The following KLF8 variants were observed in gnomAD, a reference collection of about 807,000 sequenced individuals.
The protein encoded by KLF8 is Krueppel-like factor 8.
KLF8 carries 10 observed loss-of-function variants against 18.2 expected under a neutral mutation model. The observed-to-expected ratio is 0.55, with a 90% CI of 0.34 to 0.93. The LOEUF (loss-of-function observed/expected upper bound fraction) is 0.93, where lower values mean the gene tolerates loss of function less well. KLF8 is among the 40% of genes least tolerant of loss of function. The pLI, the probability that KLF8 is intolerant of heterozygous loss-of-function variation, is 0.02. For synonymous variants in KLF8, 109 were observed against 97.3 expected (o/e 1.12, Z -0.71); for missense variants, 264 against 277.9 (o/e 0.95, Z 0.36).
chrX:56,197,864 G>A, the KLF8 span, among the ~76,000 whole-genome samples: 1 of 111,931 alleles, frequency 8.9e-6, no homozygotes, highest in African/African-American at 3.3e-5. Context: ...ACCGAATCCA[G>A]CAGCACATCA....
At chrX:56,214,416 T>C in the KLF8 span, among the ~76,000 whole-genome samples, 2 of 112,215 alleles carry the variant, frequency 1.8e-5, no homozygotes, top group East Asian at 5.6e-4. Flanking sequence ...AACTGATTTG[T>C]GTCACACCCC....
the KLF8 span, among the ~76,000 whole-genome samples, chrX:56,041,423 T>A: frequency 9.1e-6 from 1 of 109,923 alleles, no homozygotes. Context: ...CCCTTTTTAT[T>A]ATTTTTTATT....
At chrX:56,121,173 G>A in the KLF8 span, among the ~76,000 whole-genome samples, 17 of 90,610 alleles carry the variant, frequency 1.9e-4, no homozygotes, top group Admixed American at 1.1e-3. Context: ...GCCACAGAGC[G>A]AGACTCCGTC....
the KLF8 span, among the ~76,000 whole-genome samples, chrX:55,952,858 T>G: frequency 8.9e-6 from 1 of 111,816 alleles, no homozygotes; most frequent in African/African-American, 3.3e-5. Flanking sequence ...CTGTGATAAA[T>G]GCATTAATGC....
chrX:56,117,592 C>G, the KLF8 span, among the ~76,000 whole-genome samples: 1 of 111,967 alleles, frequency 8.9e-6, no homozygotes, highest in African/African-American at 3.2e-5. Flanking sequence ...AACAATTATT[C>G]TACATTCTTA....
the KLF8 span, among the ~76,000 whole-genome samples, chrX:55,934,304 C>T: frequency 3.6e-5 from 4 of 111,476 alleles, no homozygotes; most frequent in African/African-American, 1.3e-4. Context: ...CCTCTTAGCA[C>T]CTATAATGGG....
At chrX:56,078,778 C>CT in the KLF8 span, among the ~76,000 whole-genome samples, 2 of 111,030 alleles carry the variant, frequency 1.8e-5, no homozygotes, top group Admixed American at 1.9e-4. Flanking sequence ...GTCCTGGACT[C>CT]TTTTTTGTTG....
chrX:55,997,553 C>T, the KLF8 span, among the ~76,000 whole-genome samples: 1 of 111,538 alleles, frequency 9.0e-6, no homozygotes, highest in Non-Finnish European at 1.9e-5. Context: ...GTAGGATTCC[C>T]AGCTTTTTCT....
At chrX:56,131,670 T>C in the KLF8 span, among the ~76,000 whole-genome samples, 1 of 111,763 alleles carries the variant, frequency 8.9e-6, no homozygotes, top group Non-Finnish European at 1.9e-5. Flanking sequence ...GCCTAAATGC[T>C]CTATTAAAAA....
the KLF8 span, among the ~76,000 whole-genome samples, chrX:56,122,867 C>G: frequency 9.0e-6 from 1 of 111,106 alleles, no homozygotes; most frequent in Non-Finnish European, 1.9e-5. Flanking sequence ...GGGACTACAG[C>G]TGTGAGCCAC....
chrX:56,267,153 C>G, intron 3 of KLF8: 1 of 753,904 alleles, frequency 1.3e-6, no homozygotes, highest in Non-Finnish European at 1.6e-6. Flanking sequence ...CCATCAGAGC[C>G]ACTCTAAATA....
chrX:56,048,523 G>A, the KLF8 span, among the ~76,000 whole-genome samples: 1 of 111,865 alleles, frequency 8.9e-6, no homozygotes, highest in Non-Finnish European at 1.9e-5. Flanking sequence ...ATTAAATAAG[G>A]AATCCTTTCC....
At chrX:56,169,900 C>T in the KLF8 span, among the ~76,000 whole-genome samples, 2 of 111,354 alleles carry the variant, frequency 1.8e-5, no homozygotes, top group African/African-American at 6.5e-5. Flanking sequence ...CAGTGTTGTA[C>T]TGACTTAAGG....
the KLF8 span, among the ~76,000 whole-genome samples, chrX:55,963,623 C>G: frequency 8.9e-6 from 1 of 111,911 alleles, no homozygotes; most frequent in South Asian, 3.7e-4. Flanking sequence ...ATACATAAAA[C>G]AAGTTCTTGG....
At chrX:56,058,149 C>T in the KLF8 span, among the ~76,000 whole-genome samples, 1 of 86,459 alleles carries the variant, frequency 1.2e-5, no homozygotes, top group Non-Finnish European at 2.1e-5. Flanking sequence ...CTGGGTGCAC[C>T]AGTGTTGGGC....
At chrX:56,093,894 G>A in the KLF8 span, among the ~76,000 whole-genome samples, 13 of 94,164 alleles carry the variant, frequency 1.4e-4, no homozygotes, top group South Asian at 5.1e-4. Context: ...TGGCAACAAC[G>A]TATATATTAT....
the KLF8 span, among the ~76,000 whole-genome samples, chrX:56,167,716 A>T: frequency 8.9e-6 from 1 of 111,928 alleles, no homozygotes; most frequent in African/African-American, 3.2e-5. Flanking sequence ...GTGGCTGAAC[A>T]TTTGCTATGT....
rs1425184790 is a variant in KLF8 at position 56,290,369 on chromosome X, T to C, written c.*5875T>C. Among the ~76,000 whole-genome samples the C allele has an allele frequency of 8.9e-6, 1 of 111,894 alleles. No individual in the cohort carries two copies. Among genetic ancestry groups the C allele is most frequent in the African/African-American group, 3.2e-5 (1 of 30,808 alleles). ...TATAGTACCTTATATTTACCCTATG[T>C]AAAAGAGAAGATTAGGCTTCCTAGG... On this transcript the variant is annotated 3_prime_UTR_variant, in exon 6 of 6. Coordinates refer to ENST00000468660, the MANE Select transcript of KLF8 (RefSeq NM_007250.5).
intron 2 of KLF8, among the ~76,000 whole-genome samples, chrX:56,254,825 G>C (rs900357313): frequency 9.0e-6 from 1 of 111,235 alleles, no homozygotes; most frequent in African/African-American, 3.3e-5. Flanking sequence ...AGCTGAGCCT[G>C]GGTTTTTATG....
Sources: gnomAD v4.1 joint callset for allele counts (sites outside exome capture counted in the v4.1 genomes callset) on GRCh38, gnomAD v4.1.1 for gene constraint, MANE v1.5 for transcripts, NCBI Gene and HGNC (gene_info 2026-07-23, HGNC 2026-07-21) for gene names.